SUSD5: variants seen among roughly 807,000 people sequenced by gnomAD.
SUSD5 encodes the protein sushi domain containing 5.
Under a neutral mutation model 29.5 loss-of-function variants are expected in SUSD5, and 33 were observed. The observed-to-expected ratio is 1.12, with a 90% CI of 0.85 to 1.49. SUSD5 has a LOEUF of 1.49. SUSD5 is among the 40% of genes most tolerant of loss of function. The pLI is 0.00. For synonymous variants in SUSD5, 308 were observed against 325.3 expected (o/e 0.95, Z 0.57); for missense variants, 776 against 800.6 (o/e 0.97, Z 0.37).
intron 3 of SUSD5, 71 bp from the exon 4 acceptor site, chr3:33,175,145 T>C: frequency 6.5e-7 from 1 of 1,528,252 alleles, no homozygotes; most frequent in Admixed American, 1.8e-5. Context: ...GAAAACAGAC[T>C]TAAAACACAA....
chr3:33,210,846 A>G (rs1176529398), intron 2 of SUSD5, among the ~76,000 whole-genome samples: 1 of 151,152 alleles, frequency 6.6e-6, no homozygotes, highest in Non-Finnish European at 1.5e-5. Flanking sequence ...TATAGTAAAT[A>G]TAACAAGTAT....
At chr3:33,214,826 G>T (rs539518358) in intron 1 of SUSD5, among the ~76,000 whole-genome samples, 210 of 152,260 alleles carry the variant, frequency 1.4e-3, no homozygotes, top group Non-Finnish European at 2.2e-3. Context: ...GAGCACTGAG[G>T]TCCCCAGGAG....
At position 33,190,564 on chromosome 3, in the gene SUSD5, C is replaced by T. The variant is rs2031870749; in HGVS notation, c.410-15490G>A. On this transcript the variant is annotated intron_variant, in intron 3 of 4. Coordinates refer to ENST00000309558, the MANE Select transcript of SUSD5 (RefSeq NM_015551.2). ...TGGGCCCCCTAGGGTGGGACATTAACTTTGTTTCTATTTCTTCCTTACTAA... is the reference window on the plus strand; with the variant it reads ...TGGGCCCCCTAGGGTGGGACATTAATTTTGTTTCTATTTCTTCCTTACTAA... 3.3e-5 allele frequency among the ~76,000 whole-genome samples: 5 copies of T among 152,114 alleles called. 1 individual carries two copies. The highest frequency in any genetic ancestry group is 3.3e-4 in the Admixed American group (5 of 15,264).
chr3:33,175,160 C>A, intron 3 of SUSD5, 86 bp from the exon 4 acceptor site: 1 of 1,400,412 alleles, frequency 7.1e-7, no homozygotes, highest in South Asian at 1.3e-5. Context: ...ACACAACTCT[C>A]CCCTGCCGCC....
At chr3:33,208,508 T>C (rs1054857237) in intron 2 of SUSD5, among the ~76,000 whole-genome samples, 1 of 152,156 alleles carries the variant, frequency 6.6e-6, no homozygotes, top group Non-Finnish European at 1.5e-5. Context: ...GCCTCCTGTC[T>C]ACTAATACTT....
intron 4 of SUSD5, among the ~76,000 whole-genome samples, chr3:33,168,907 C>T (rs2031362894): frequency 6.6e-6 from 1 of 152,250 alleles, no homozygotes; most frequent in Admixed American, 6.5e-5. Flanking sequence ...GCTTTGGCCT[C>T]CCAAAGTGCT....
chr3:33,207,458 T>C (rs1209882039), intron 3 of SUSD5, among the ~76,000 whole-genome samples: 2 of 152,146 alleles, frequency 1.3e-5, no homozygotes, highest in East Asian at 3.8e-4. Context: ...GAAGCAACCC[T>C]TCACACATGA....
chr3:33,180,858 T>A (rs2031655728), intron 3 of SUSD5, among the ~76,000 whole-genome samples: 1 of 151,090 alleles, frequency 6.6e-6, no homozygotes, highest in Admixed American at 6.6e-5. Flanking sequence ...AATTTTTTTT[T>A]TTTTTTGTAG....
At chr3:33,207,623 T>C (rs2032245655) in intron 3 of SUSD5, among the ~76,000 whole-genome samples, 185 bp downstream of exon 3, 1 of 152,198 alleles carries the variant, frequency 6.6e-6, no homozygotes, top group South Asian at 2.1e-4. Flanking sequence ...ATTGCACCGA[T>C]GCTTGACCCC....
chr3:33,191,730 A>C (rs1357214724), intron 3 of SUSD5, among the ~76,000 whole-genome samples: 1 of 152,060 alleles, frequency 6.6e-6, no homozygotes, highest in African/African-American at 2.4e-5. Flanking sequence ...GGATTGCTTC[A>C]GGCCAGGAGT....
intron 4 of SUSD5, among the ~76,000 whole-genome samples, chr3:33,156,045 C>CTT (rs924820623): frequency 1.4e-5 from 2 of 145,342 alleles, no homozygotes; most frequent in Admixed American, 6.9e-5. Context: ...AAAAATGCAT[C>CTT]TTTTTTTTTT....
At chr3:33,211,122 G>T (rs1039713340) in intron 2 of SUSD5, among the ~76,000 whole-genome samples, 1 of 152,028 alleles carries the variant, frequency 6.6e-6, no homozygotes, top group African/African-American at 2.4e-5. Context: ...TTGAACTCCC[G>T]ACCACAACTA....
intron 2 of SUSD5, 42 bp downstream of exon 2, chr3:33,213,886 G>A (rs1301359238): frequency 1.3e-6 from 2 of 1,552,142 alleles, no homozygotes; most frequent in Non-Finnish European, 1.7e-6. Flanking sequence ...CCTTGGTGGT[G>A]CAACTGGGGT....
In SUSD5 at chr3:33,175,563, C is replaced by CACACTA. The variant is rs1553620684; in HGVS notation, c.410-490_410-489insTAGTGT. On this transcript the variant is annotated intron_variant, in intron 3 of 4. Coordinates refer to ENST00000309558, the MANE Select transcript of SUSD5 (RefSeq NM_015551.2). ...CACAAAAATTACACACACACACACA[C>CACACTA]TATATATATATATACACACACACAC... Among the ~76,000 whole-genome samples, 356 of 150,264 alleles carry CACACTA rather than the reference C, an allele frequency of 2.4e-3. 1 individual carries two copies. The highest frequency in any genetic ancestry group is 6.4e-3 in the Admixed American group (97 of 15,060).
chr3:33,191,223 G>C (rs1392190126), intron 3 of SUSD5, among the ~76,000 whole-genome samples: 1 of 151,628 alleles, frequency 6.6e-6, no homozygotes, highest in African/African-American at 2.4e-5. Flanking sequence ...TCCACCTCCT[G>C]GGTTTAAGCC....
At chr3:33,186,778 T>A (rs1400416754) in intron 3 of SUSD5, among the ~76,000 whole-genome samples, 1 of 152,018 alleles carries the variant, frequency 6.6e-6, no homozygotes, top group African/African-American at 2.4e-5. Context: ...ATGAGAGAGA[T>A]TTTGAATGAA....
intron 3 of SUSD5, among the ~76,000 whole-genome samples, chr3:33,202,225 G>A (rs2032135405): frequency 1.3e-5 from 2 of 152,112 alleles, no homozygotes; most frequent in African/African-American, 4.8e-5. Context: ...GGGAGACCCT[G>A]AACTAAGTGT....
chr3:33,185,958 A>T (rs567351067), intron 3 of SUSD5, among the ~76,000 whole-genome samples: 152 of 152,104 alleles, frequency 1.0e-3, no homozygotes, highest in African/African-American at 3.6e-3. Context: ...ATTAAAAAAA[A>T]TTCAAATTCA....
At chr3:33,161,321 A>G (rs1272162195) in intron 4 of SUSD5, among the ~76,000 whole-genome samples, 1 of 152,204 alleles carries the variant, frequency 6.6e-6, no homozygotes, top group African/African-American at 2.4e-5. Flanking sequence ...TTAAACTTCT[A>G]TATGTCAAGG....
Sources: allele counts gnomAD v4.1 joint callset (sites outside exome capture counted in the v4.1 genomes callset), GRCh38; gene constraint gnomAD v4.1.1; transcripts MANE v1.5; gene names NCBI Gene and HGNC (gene_info 2026-07-23, HGNC 2026-07-21).